TMTC2: variants seen among roughly 807,000 people sequenced by gnomAD.
TMTC2 encodes the protein transmembrane O-mannosyltransferase targeting cadherins 2.
A neutral mutation model predicts 82.4 loss-of-function variants in TMTC2; 43 were observed. The ratio of observed to expected loss-of-function variants is 0.52; its 90% CI spans 0.41 to 0.67. TMTC2 has a LOEUF of 0.67. Ranked by LOEUF, TMTC2 falls within the 30% of genes least tolerant of loss-of-function variation. TMTC2 has a pLI of 0.00. For synonymous variants in TMTC2, 408 were observed against 381.9 expected (o/e 1.07, Z -0.80); for missense variants, 919 against 1,012.4 (o/e 0.91, Z 1.25).
intron 10 of TMTC2, 126 bp downstream of exon 10, chr12:83,051,144 A>T (rs1025042571): frequency 1.8e-5 from 11 of 626,476 alleles, no homozygotes; most frequent in Non-Finnish European, 2.9e-5. Context: ...TTAACTATGT[A>T]AAAAATTAGA....
chr12:82,965,605 C>G lies in TMTC2; in HGVS notation c.1730C>G (p.Thr577Arg). ...ATTATTCTAATGAACCAAGGAAGGA[C>G]GGAAGAAGCCCGACGGACATTCTTA... is the stretch of plus-strand genomic sequence containing the variant. ...TGIILMNQGR[T>R]EEARRTFLKC... is the part of the protein sequence containing the mutation. Residue 577 changes from threonine to arginine, a missense_variant, in exon 6 of 12, where the codon ACG (threonine) becomes AGG (arginine). Transcript: ENST00000321196. The G allele has an allele frequency of 2.5e-6, 4 of 1,613,658 alleles. No individual in the cohort carries two copies. Among genetic ancestry groups the G allele is most frequent in the Non-Finnish European group, 3.4e-6 (4 of 1,179,706 alleles).
intron 8 of TMTC2, among the ~76,000 whole-genome samples, chr12:82,999,573 C>T (rs548654562): frequency 5.9e-5 from 9 of 152,058 alleles, no homozygotes; most frequent in South Asian, 2.1e-4. Context: ...AAAATCATGG[C>T]GGAAGGCAAA....
At chr12:82,808,243 T>A (rs1879332374) in intron 1 of TMTC2, among the ~76,000 whole-genome samples, 3 of 152,120 alleles carry the variant, frequency 2.0e-5, no homozygotes, top group South Asian at 2.1e-4. Context: ...TGAATTTTTT[T>A]AAATGTTTCA....
At chr12:83,047,745 G>C (rs756896738) in intron 9 of TMTC2, among the ~76,000 whole-genome samples, 9 of 152,144 alleles carry the variant, frequency 5.9e-5, no homozygotes, top group Admixed American at 2.6e-4. Flanking sequence ...GTTCCATGTA[G>C]TTTTTGGAAA....
intron 1 of TMTC2, among the ~76,000 whole-genome samples, chr12:82,771,052 C>A (rs1232870987): frequency 6.6e-6 from 1 of 151,848 alleles, no homozygotes; most frequent in African/African-American, 2.4e-5. Flanking sequence ...ACTAAAAATA[C>A]AAAAATTAGC....
At chr12:83,029,056 T>A (rs1164138809) in intron 8 of TMTC2, among the ~76,000 whole-genome samples, 2 of 152,308 alleles carry the variant, frequency 1.3e-5, no homozygotes, top group East Asian at 3.9e-4. Flanking sequence ...GTAGAGACAT[T>A]AGGTTATGTC....
chr12:82,730,761 C>T (rs1454615496), intron 1 of TMTC2, among the ~76,000 whole-genome samples: 1 of 152,200 alleles, frequency 6.6e-6, no homozygotes, highest in Admixed American at 6.5e-5. Context: ...CATCAATAAC[C>T]TTACCTTATT....
At position 83,133,927 on chromosome 12, in the gene TMTC2, A is replaced by G. The variant is rs1017119559; in HGVS notation, c.*1538A>G. The G allele has an allele frequency of 2.6e-5, 4 of 152,320 alleles. No homozygotes were observed. Among genetic ancestry groups the G allele is most frequent in the Admixed American group, 6.5e-5 (1 of 15,278 alleles). The allele number at this position is 152,320 out of a possible 1,614,324, so 9.4% of individuals were successfully genotyped here. ...TCCTTCCCTTTCACACTCCATGTAT[A>G]TATGATCAGCCTCTCCATTAAAAAG... On this transcript the variant is annotated 3_prime_UTR_variant, in exon 12 of 12. Coordinates refer to ENST00000321196, the MANE Select transcript of TMTC2 (RefSeq NM_152588.3).
chr12:83,082,327 A>G (rs539335549), intron 11 of TMTC2, among the ~76,000 whole-genome samples: 1 of 152,196 alleles, frequency 6.6e-6, no homozygotes, highest in South Asian at 2.1e-4. Flanking sequence ...ATTCTGCCAG[A>G]TGGGTATTTG....
intron 7 of TMTC2, among the ~76,000 whole-genome samples, chr12:82,984,596 C>T (rs146276654): frequency 1.8e-4 from 27 of 152,234 alleles, no homozygotes; most frequent in African/African-American, 5.8e-4. Flanking sequence ...ATTATGATTA[C>T]TTATGCTTAT....
At chr12:83,044,182 G>T (rs530157945) in intron 9 of TMTC2, among the ~76,000 whole-genome samples, 11 of 152,312 alleles carry the variant, frequency 7.2e-5, no homozygotes, top group Non-Finnish European at 1.5e-4. Flanking sequence ...GTTCTAGCTT[G>T]CTCTTGAAGA....
At chr12:83,033,073 T>TA in intron 9 of TMTC2, among the ~76,000 whole-genome samples, 1 of 152,284 alleles carries the variant, frequency 6.6e-6, no homozygotes, top group Non-Finnish European at 1.5e-5. Flanking sequence ...TTTATGAAAT[T>TA]TTATAAGTTT....
At chr12:82,777,881 C>G (rs1020972081) in intron 1 of TMTC2, among the ~76,000 whole-genome samples, 3 of 152,078 alleles carry the variant, frequency 2.0e-5, no homozygotes, top group South Asian at 4.1e-4. Flanking sequence ...GCCATTTTCT[C>G]TCTTTCTGCC....
intron 10 of TMTC2, among the ~76,000 whole-genome samples, chr12:83,052,638 C>G (rs1882394183): frequency 6.6e-6 from 1 of 152,072 alleles, no homozygotes; most frequent in South Asian, 2.1e-4. Flanking sequence ...ATAACAGATA[C>G]TTTTATCAAC....
At chr12:82,882,006 T>TC in intron 2 of TMTC2, among the ~76,000 whole-genome samples, 1 of 146,400 alleles carries the variant, frequency 6.8e-6, no homozygotes, top group Admixed American at 6.7e-5. Context: ...TTTTTTTTTT[T>TC]TTTTTTTTTT....
chr12:82,997,344 G>GTA, intron 8 of TMTC2, among the ~76,000 whole-genome samples: 1 of 21,046 alleles, frequency 4.8e-5, no homozygotes, highest in African/African-American at 1.2e-4. Context: ...GTGTGTGTGT[G>GTA]TGTGTATATA....
At chr12:82,744,249 C>T (rs1205277549) in intron 1 of TMTC2, among the ~76,000 whole-genome samples, 1 of 152,178 alleles carries the variant, frequency 6.6e-6, no homozygotes, top group East Asian at 1.9e-4. Context: ...CATGGTGAAA[C>T]CCCATCTCTA....
intron 8 of TMTC2, among the ~76,000 whole-genome samples, chr12:83,000,702 A>C (rs973881625): frequency 1.3e-5 from 2 of 152,128 alleles, no homozygotes; most frequent in African/African-American, 2.4e-5. Context: ...GTGGAGCCCC[A>C]GTGGGGACTC....
At chr12:82,738,707 C>G (rs1245026029) in intron 1 of TMTC2, among the ~76,000 whole-genome samples, 1 of 151,978 alleles carries the variant, frequency 6.6e-6, no homozygotes, top group Non-Finnish European at 1.5e-5. Flanking sequence ...TTGTTTGCCA[C>G]CAAATATTTA....
Sources: gnomAD v4.1 joint callset for allele counts (sites outside exome capture counted in the v4.1 genomes callset) on GRCh38, gnomAD v4.1.1 for gene constraint, MANE v1.5 for transcripts, NCBI Gene and HGNC (gene_info 2026-07-23, HGNC 2026-07-21) for gene names.